The following STXBP5 variants were observed in gnomAD, a reference collection of about 807,000 sequenced individuals.
The protein encoded by STXBP5 is syntaxin binding protein 5.
In STXBP5, 50 loss-of-function variants were observed where a neutral mutation model predicts 152.4. The ratio of observed to expected loss-of-function variants is 0.33; its 90% CI spans 0.26 to 0.42. STXBP5 has a LOEUF of 0.42. Among genes scored for constraint, STXBP5 ranks in the 10% least tolerant of loss-of-function variants. The probability of loss-of-function intolerance (pLI) is 1.00; values close to 1 mark genes in which losing one functional copy is unlikely to be tolerated. For missense variants in STXBP5, 1,167 were observed against 1,388.6 expected (o/e 0.84, Z 2.54); for synonymous variants, 492 against 494.7 (o/e 0.99, Z 0.07).
At chr6:147,268,547 CTG>C (rs748957443) in intron 7 of STXBP5, among the ~76,000 whole-genome samples, 3 of 152,140 alleles carry the variant, frequency 2.0e-5, no homozygotes, top group Non-Finnish European at 4.4e-5. Context: ...GTTTTTATGA[CTG>C]TATACTTTTT....
At chr6:147,374,177 C>T (rs1785700119) in intron 26 of STXBP5, among the ~76,000 whole-genome samples, 1 of 152,120 alleles carries the variant, frequency 6.6e-6, no homozygotes, top group Non-Finnish European at 1.5e-5. Flanking sequence ...AAAGTTTTTA[C>T]TTTAACATTT....
At chr6:147,379,733 A>G (rs1454704317) in intron 26 of STXBP5, among the ~76,000 whole-genome samples, 1 of 152,060 alleles carries the variant, frequency 6.6e-6, no homozygotes, top group African/African-American at 2.4e-5. Flanking sequence ...AATCTTATCT[A>G]TAGAAAATCC....
At chr6:147,249,274 G>T (rs886279334) in intron 4 of STXBP5, among the ~76,000 whole-genome samples, 2 of 152,060 alleles carry the variant, frequency 1.3e-5, no homozygotes, top group Non-Finnish European at 2.9e-5. Flanking sequence ...AATACACCTG[G>T]TATTAGTTTG....
At chr6:147,300,962 A>T (rs1476787816) in intron 9 of STXBP5, among the ~76,000 whole-genome samples, 1 of 152,100 alleles carries the variant, frequency 6.6e-6, no homozygotes, top group African/African-American at 2.4e-5. Context: ...AGCCAAAAAA[A>T]AAAAATCTGA....
chr6:147,335,983 T>C (rs1281030047), intron 19 of STXBP5, among the ~76,000 whole-genome samples: 1 of 152,220 alleles, frequency 6.6e-6, no homozygotes, highest in Non-Finnish European at 1.5e-5. Context: ...TCAGCATGTT[T>C]GAAATGCAAA....
chr6:147,332,852 G>A (rs1214040544), intron 18 of STXBP5, among the ~76,000 whole-genome samples: 8 of 152,092 alleles, frequency 5.3e-5, no homozygotes, highest in Non-Finnish European at 1.5e-5. Flanking sequence ...TTTTAAGAAT[G>A]ATAACTATAT....
intron 2 of STXBP5, among the ~76,000 whole-genome samples, chr6:147,214,354 A>G (rs1486345823): frequency 6.6e-6 from 1 of 152,118 alleles, no homozygotes; most frequent in East Asian, 1.9e-4. Context: ...TAAATTTTGG[A>G]CACCAGCTCT....
chr6:147,222,173 A>G (rs890811179), intron 2 of STXBP5, among the ~76,000 whole-genome samples: 1 of 152,064 alleles, frequency 6.6e-6, no homozygotes, highest in African/African-American at 2.4e-5. Flanking sequence ...TGTGTACTTT[A>G]TCCATTAGAG....
Position 147,384,792 on chromosome 6 carries a change from GA to G in STXBP5, c.*43del. On this transcript the variant is annotated 3_prime_UTR_variant, in exon 28 of 28. Coordinates refer to ENST00000321680, the MANE Select transcript of STXBP5 (RefSeq NM_001127715.4). The stretch of plus-strand genomic sequence containing the variant: ...CAATAAGTCCAACTTCAGCCAGAAG[GA>G]AAAAAGTTTTCCATTTTTATTACAT... 9 of 1,593,086 alleles carry G rather than the reference GA, an allele frequency of 5.6e-6. No individual in the cohort carries two copies. Among genetic ancestry groups the G allele is most frequent in the Non-Finnish European group, 6.8e-6 (8 of 1,171,870 alleles).
In STXBP5 at chr6:147,324,995, T is replaced by C. The variant is rs746900733; in HGVS notation, c.1839T>C (p.Tyr613=). 1.3e-6 allele frequency: 2 copies of C among 1,597,310 alleles called. No individual in the cohort carries two copies. Among genetic ancestry groups the C allele is most frequent in the East Asian group, 2.3e-5 (1 of 44,414 alleles). Residue 613 remains tyrosine (Y), a synonymous_variant, in exon 17 of 28, where the codon TAT becomes TAC. Coordinates refer to ENST00000321680, the MANE Select transcript of STXBP5 (RefSeq NM_001127715.4). The part of the protein sequence containing the change: ...KNSPLKQSPG[Y]QTELVIQLVW... ...CACCACTTAAACAGTCTCCAGGTTA[T>C]CAAACAGAACTAGTTATTCAGTTGG... is the stretch of plus-strand genomic sequence containing the variant.
intron 8 of STXBP5, among the ~76,000 whole-genome samples, chr6:147,280,066 T>A (rs1234631815): frequency 3.7e-5 from 4 of 107,470 alleles, no homozygotes; most frequent in African/African-American, 1.6e-4. Flanking sequence ...TATTCCATGG[T>A]CTTTTTTTTT....
intron 7 of STXBP5, among the ~76,000 whole-genome samples, chr6:147,271,753 A>G (rs1780182712): frequency 6.6e-6 from 1 of 152,166 alleles, no homozygotes; most frequent in African/African-American, 2.4e-5. Flanking sequence ...AATCTATAGT[A>G]AGCTGAAGAA....
intron 18 of STXBP5, 29 bp downstream of exon 18, chr6:147,327,305 G>C: frequency 6.3e-7 from 1 of 1,589,970 alleles, no homozygotes; most frequent in Non-Finnish European, 8.5e-7. Context: ...AAAATTCTGA[G>C]CTTTAGGATT....
intron 2 of STXBP5, among the ~76,000 whole-genome samples, chr6:147,226,179 T>C (rs758208300): frequency 1.3e-5 from 2 of 151,990 alleles, no homozygotes; most frequent in African/African-American, 2.4e-5. Flanking sequence ...GGCAAGTGCC[T>C]GTAGTCCCAG....
intron 18 of STXBP5, among the ~76,000 whole-genome samples, chr6:147,327,637 T>G (rs1395368866): frequency 6.6e-6 from 1 of 152,082 alleles, no homozygotes; most frequent in African/African-American, 2.4e-5. Flanking sequence ...CAGATGGAGT[T>G]TTGTCATGTT....
intron 23 of STXBP5, among the ~76,000 whole-genome samples, chr6:147,360,965 TTAAA>T (rs1490867317): frequency 6.6e-6 from 1 of 152,196 alleles, no homozygotes; most frequent in East Asian, 1.9e-4. Context: ...CATCTTTACA[TTAAA>T]TAATCAGTTT....
intron 23 of STXBP5, among the ~76,000 whole-genome samples, chr6:147,362,517 A>T (rs1159231531): frequency 6.6e-6 from 1 of 152,170 alleles, no homozygotes; most frequent in Non-Finnish European, 1.5e-5. Flanking sequence ...CTACATTAAG[A>T]TGATAAACTG....
At chr6:147,315,473 AT>A in intron 14 of STXBP5, 41 bp from the exon 15 acceptor site, 1 of 1,352,656 alleles carries the variant, frequency 7.4e-7, no homozygotes, top group Non-Finnish European at 1.0e-6. Context: ...ATGTTTGATC[AT>A]TTTATATTAA....
rs796067279 is a variant in STXBP5, at chr6:147,351,877, G to A, written c.2255-1446G>A. On this transcript the variant is annotated intron_variant, in intron 21 of 27. Coordinates refer to ENST00000321680, the MANE Select transcript of STXBP5 (RefSeq NM_001127715.4). ...CTGGATTTCTCTTTGTTTACATGGC[G>A]CCCTTATGGACTAGCAGGGTCTGTG... 3.3e-5 allele frequency: 33 copies of A among 985,140 alleles called. No homozygotes were observed. The South Asian group carries it at 5.2e-4, about 15-fold the overall frequency. 61.0% of individuals were successfully genotyped at this position (985,140 alleles called of 1,614,324 possible).
Sources: allele counts gnomAD v4.1 joint callset (sites outside exome capture counted in the v4.1 genomes callset), GRCh38; gene constraint gnomAD v4.1.1; transcripts MANE v1.5; gene names NCBI Gene and HGNC (gene_info 2026-07-23, HGNC 2026-07-21).